Variants in SLC24A4 observed in about 807,000 individuals in gnomAD.
SLC24A4 encodes solute carrier family 24 member 4.
SLC24A4 carries 53 observed loss-of-function variants against 79.0 expected under a neutral mutation model. The ratio of observed to expected loss-of-function variants is 0.67; its 90% CI spans 0.54 to 0.84. SLC24A4 has a LOEUF of 0.84. SLC24A4 is among the 40% of genes least tolerant of loss of function. The pLI is 0.00. For synonymous variants in SLC24A4, 323 were observed against 323.8 expected (o/e 1.00, Z 0.03); for missense variants, 731 against 822.0 (o/e 0.89, Z 1.35).
At position 92,454,065 on chromosome 14, in the gene SLC24A4, A is replaced by G. The variant is rs779701654; in HGVS notation, c.1046A>G (p.Asn349Ser). The G allele has an allele frequency of 5.6e-6, 9 of 1,612,586 alleles. No homozygotes were observed. The South Asian group carries it at 8.8e-5, about 16-fold the overall frequency. ...RLRMASRIII[N>S]ERQRLINSAN... ...CGGATGGCCAGCAGGATCATCATTA[A>G]TGAGGTGAGTTTGCTTGAAGGACCA... Residue 349 changes from asparagine (N) to serine (S), a missense_variant, in exon 11 of 17, where the codon AAT becomes AGT. By Grantham distance (46) the Asn-to-Ser change is conservative (BLOSUM62 1). Coordinates refer to ENST00000532405, the MANE Select transcript of SLC24A4 (RefSeq NM_153646.4).
intron 2 of SLC24A4, among the ~76,000 whole-genome samples, chr14:92,393,300 T>A (rs1390375022): frequency 6.6e-6 from 1 of 152,212 alleles, no homozygotes; most frequent in South Asian, 2.1e-4. Flanking sequence ...TGGATTGACT[T>A]TCCTTCATTT....
chr14:92,473,165 T>G (rs1006584661), intron 12 of SLC24A4, among the ~76,000 whole-genome samples: 1 of 152,232 alleles, frequency 6.6e-6, no homozygotes, highest in Non-Finnish European at 1.5e-5. Flanking sequence ...CTGGCTACAT[T>G]TAAAAACACA....
intron 12 of SLC24A4, among the ~76,000 whole-genome samples, chr14:92,478,818 C>A (rs577854741): frequency 2.6e-4 from 40 of 152,214 alleles, no homozygotes; most frequent in Middle Eastern, 3.4e-3. Context: ...CCATTTTAAG[C>A]CTTCCGATTC....
chr14:92,479,839 T>C (rs1462199387), intron 12 of SLC24A4, among the ~76,000 whole-genome samples: 1 of 152,266 alleles, frequency 6.6e-6, no homozygotes, highest in Non-Finnish European at 1.5e-5. Flanking sequence ...TGGTCCTGGC[T>C]TTACTTTAAG....
intron 2 of SLC24A4, among the ~76,000 whole-genome samples, chr14:92,341,374 C>G (rs1336860387): frequency 6.6e-6 from 1 of 152,206 alleles, no homozygotes; most frequent in Non-Finnish European, 1.5e-5. Context: ...AGGGTCACTG[C>G]CCCGAAAGGC....
chr14:92,449,622 G>A (rs1402092628), intron 10 of SLC24A4, among the ~76,000 whole-genome samples: 1 of 152,194 alleles, frequency 6.6e-6, no homozygotes, highest in Non-Finnish European at 1.5e-5. Context: ...GGGCCTCCCT[G>A]CGGTTTCTCA....
intron 2 of SLC24A4, among the ~76,000 whole-genome samples, chr14:92,326,343 G>A (rs150305571): frequency 1.3e-5 from 2 of 152,226 alleles, no homozygotes; most frequent in African/African-American, 4.8e-5. Flanking sequence ...AGCTCTCACG[G>A]TGGCAGATCC....
intron 2 of SLC24A4, among the ~76,000 whole-genome samples, chr14:92,359,025 C>T (rs1050512447): frequency 2.7e-4 from 41 of 152,038 alleles, no homozygotes; most frequent in Admixed American, 1.3e-4. Context: ...GGTCTCCAGG[C>T]CCAGCCACCA....
chr14:92,405,611 C>G lies in SLC24A4; in HGVS notation c.242-28301C>G, dbSNP rs139553471. On this transcript the variant is annotated intron_variant, in intron 2 of 16. Coordinates refer to ENST00000532405, the MANE Select transcript of SLC24A4 (RefSeq NM_153646.4). ...TGACTGGGAGGCCTAAGGAAACTTACAATCATGGCAGAAGGTGAAGGAGAA... is the reference window on the plus strand; with the variant it reads ...TGACTGGGAGGCCTAAGGAAACTTAGAATCATGGCAGAAGGTGAAGGAGAA... Among the ~76,000 whole-genome samples the G allele has an allele frequency of 2.8e-3, 426 of 152,186 alleles. 1 individual carries two copies. Among genetic ancestry groups the G allele is most frequent in the African/African-American group, 9.4e-3 (391 of 41,524 alleles).
intron 8 of SLC24A4, among the ~76,000 whole-genome samples, chr14:92,446,703 T>C (rs937666816): frequency 5.3e-5 from 8 of 152,212 alleles, no homozygotes; most frequent in African/African-American, 1.9e-4. Flanking sequence ...GGACACATAG[T>C]GGGCTTTGGT....
chr14:92,328,425 G>A (rs1342468699), intron 2 of SLC24A4, among the ~76,000 whole-genome samples: 1 of 152,248 alleles, frequency 6.6e-6, no homozygotes, highest in Admixed American at 6.5e-5. Context: ...AGGAGGCACT[G>A]CAGGTGCACA....
At chr14:92,388,838 C>G (rs912169524) in intron 2 of SLC24A4, among the ~76,000 whole-genome samples, 3 of 152,150 alleles carry the variant, frequency 2.0e-5, no homozygotes, top group African/African-American at 7.2e-5. Flanking sequence ...GGCCCCCAGA[C>G]CAAAACTGGG....
chr14:92,328,009 G>A (rs1040882669), intron 2 of SLC24A4, among the ~76,000 whole-genome samples: 2 of 152,196 alleles, frequency 1.3e-5, no homozygotes, highest in Non-Finnish European at 2.9e-5. Context: ...TCCTTATCAC[G>A]TTTTTGCCAA....
chr14:92,461,137 G>A (rs1341537427), intron 12 of SLC24A4, among the ~76,000 whole-genome samples: 4 of 152,174 alleles, frequency 2.6e-5, no homozygotes. Flanking sequence ...GCTTGTTGTG[G>A]CGCATAGTCT....
chr14:92,471,143 T>C (rs1220070137), intron 12 of SLC24A4, among the ~76,000 whole-genome samples: 1 of 152,182 alleles, frequency 6.6e-6, no homozygotes, highest in East Asian at 1.9e-4. Flanking sequence ...TAACAAGAAG[T>C]CCTGAAAGTA....
Position 92,443,414 on chromosome 14 carries a change from G to A in SLC24A4, c.597G>A (p.Thr199=), listed in dbSNP as rs747443233. The A allele has an allele frequency of 8.6e-5, 139 of 1,614,026 alleles. No homozygotes were observed. The highest frequency in any genetic ancestry group is 1.0e-4 in the Non-Finnish European group (121 of 1,180,020). Reference sequence around the variant, plus strand: ...TCTGCTGGCAGGTGGTCCGTCTGACGTGGTGGGCCGTGTGCCGAGACTCCG... The same window carrying A: ...TCTGCTGGCAGGTGGTCCGTCTGACATGGTGGGCCGTGTGCCGAGACTCCG... ...GLFAGQVVRL[T]WWAVCRDSVY... Residue 199 remains threonine, a synonymous_variant, in exon 7 of 17, where the codon ACG becomes ACA. Coordinates refer to ENST00000532405, the MANE Select transcript of SLC24A4 (RefSeq NM_153646.4).
chr14:92,335,944 T>C (rs376378853), intron 2 of SLC24A4, among the ~76,000 whole-genome samples: 128 of 152,314 alleles, frequency 8.4e-4, no homozygotes, highest in Middle Eastern at 3.4e-3. Context: ...CAAACACCTA[T>C]GTGGGCCGTG....
chr14:92,461,742 G>T, intron 12 of SLC24A4, among the ~76,000 whole-genome samples: 1 of 152,180 alleles, frequency 6.6e-6, no homozygotes, highest in East Asian at 1.9e-4. Flanking sequence ...TCAGTTCATG[G>T]CAGGATCTCA....
In SLC24A4 at chr14:92,449,212, G is replaced by C; in HGVS notation, c.876G>C (p.Gly292=). 6.2e-7 allele frequency: 1 copy of C among 1,614,036 alleles called. No homozygotes were observed. The highest frequency in any genetic ancestry group is 8.5e-7 in the Non-Finnish European group (1 of 1,179,964). ...ATGACCCTTCCGTGCCATTGCTGGG[G>C]CAAGGTAAGGCTGAGCAGACAGGAG... The part of the protein sequence containing the change: ...SYDDPSVPLL[G]QVKEKPQYGK... The change falls in exon 10 of 17, where the codon GGG becomes GGC. Residue 292 remains glycine (G), a synonymous_variant. Coordinates refer to ENST00000532405, the MANE Select transcript of SLC24A4 (RefSeq NM_153646.4).
Sources: gnomAD v4.1 joint callset for allele counts (sites outside exome capture counted in the v4.1 genomes callset) on GRCh38, gnomAD v4.1.1 for gene constraint, MANE v1.5 for transcripts, NCBI Gene and HGNC (gene_info 2026-07-23, HGNC 2026-07-21) for gene names.